The following CSTPP1 variants were observed in gnomAD, a reference collection of about 807,000 sequenced individuals.
CSTPP1 encodes centriolar satellite-associated tubulin polyglutamylase complex regulator 1, also known as UPF0705 protein C11orf49.
chr11:46,938,456 C>A, the CSTPP1 span, among the ~76,000 whole-genome samples: 2 of 150,874 alleles, frequency 1.3e-5, no homozygotes, highest in African/African-American at 4.9e-5. Context: ...AAATGCATGT[C>A]ATGTATTCAC....
chr11:46,998,440 G>T, the CSTPP1 span, among the ~76,000 whole-genome samples: 1 of 152,312 alleles, frequency 6.6e-6, no homozygotes, highest in South Asian at 2.1e-4. Context: ...TCCCCAGAAA[G>T]CTGAAATTTA....
At chr11:46,988,681 A>G in the CSTPP1 span, among the ~76,000 whole-genome samples, 1 of 152,198 alleles carries the variant, frequency 6.6e-6, no homozygotes, top group Non-Finnish European at 1.5e-5. Context: ...CTAGTCAATG[A>G]TAACTTAATT....
At chr11:47,010,321 CAA>C in the CSTPP1 span, among the ~76,000 whole-genome samples, 316 of 152,242 alleles carry the variant, frequency 2.1e-3, 1 homozygote, top group African/African-American at 7.3e-3. Flanking sequence ...AGCTTTTCTT[CAA>C]AGAGTCTCAC....
the CSTPP1 span, among the ~76,000 whole-genome samples, chr11:47,108,798 T>C: frequency 6.7e-6 from 1 of 149,696 alleles, no homozygotes; most frequent in Non-Finnish European, 1.5e-5. Context: ...CCTCGGCCTC[T>C]TGGGTTCAAG....
the CSTPP1 span, among the ~76,000 whole-genome samples, chr11:47,148,483 C>T: frequency 6.6e-6 from 1 of 152,292 alleles, no homozygotes; most frequent in South Asian, 2.1e-4. Context: ...GTGACCTCCT[C>T]AAAGAAGTCC....
At chr11:46,992,037 C>T in the CSTPP1 span, among the ~76,000 whole-genome samples, 11 of 152,052 alleles carry the variant, frequency 7.2e-5, no homozygotes, top group Admixed American at 3.3e-4. Flanking sequence ...CATTTGTGCC[C>T]GGCCTCATTT....
At chr11:47,025,044 T>A in the CSTPP1 span, among the ~76,000 whole-genome samples, 1 of 152,292 alleles carries the variant, frequency 6.6e-6, no homozygotes, top group South Asian at 2.1e-4. Flanking sequence ...CTTTAATCAT[T>A]TGTGCCTATA....
chr11:47,052,566 T>TCTTCCTTC, the CSTPP1 span: 88 of 1,562,736 alleles, frequency 5.6e-5, 1 homozygote, highest in South Asian at 8.0e-4. Flanking sequence ...TTCCTTCCTT[T>TCTTCCTTC]CTTCCTTCCT....
chr11:47,090,031 G>T, the CSTPP1 span, among the ~76,000 whole-genome samples: 2 of 152,084 alleles, frequency 1.3e-5, no homozygotes, highest in Non-Finnish European at 2.9e-5. Flanking sequence ...GCCTAAGCTG[G>T]AGTGCAATGG....
the CSTPP1 span, among the ~76,000 whole-genome samples, chr11:46,976,393 T>TCACA: frequency 0.018 from 2,681 of 148,770 alleles, 44 homozygotes; most frequent in East Asian, 0.045. Flanking sequence ...TAGGTTTCAG[T>TCACA]CACACACACA....
At chr11:47,050,364 CAA>C in the CSTPP1 span, among the ~76,000 whole-genome samples, 1 of 152,056 alleles carries the variant, frequency 6.6e-6, no homozygotes, top group Admixed American at 6.6e-5. Context: ...ATAGTAGAGG[CAA>C]AGATGAGTAC....
chr11:47,039,183 G>A, the CSTPP1 span, among the ~76,000 whole-genome samples: 1 of 126,388 alleles, frequency 7.9e-6, no homozygotes, highest in Admixed American at 8.4e-5. Context: ...GCGAGCCGAG[G>A]TCACGCCACT....
chr11:46,987,166 CTTTCTCTCAT>C, the CSTPP1 span: 1 of 1,585,668 alleles, frequency 6.3e-7, no homozygotes, highest in African/African-American at 1.3e-5. Context: ...TTTTTAAAAT[CTTTCTCTCAT>C]TTTCTCTTTC....
chr11:46,940,153 G>A, the CSTPP1 span, among the ~76,000 whole-genome samples: 2 of 152,204 alleles, frequency 1.3e-5, no homozygotes, highest in Admixed American at 1.3e-4. Context: ...GATTATAGGC[G>A]TGAGCCACTG....
the CSTPP1 span, among the ~76,000 whole-genome samples, chr11:47,058,669 A>T: frequency 6.6e-6 from 1 of 152,114 alleles, no homozygotes; most frequent in East Asian, 1.9e-4. Context: ...CTTCACAACA[A>T]CCCTATGTGT....
At chr11:47,115,514 T>C in the CSTPP1 span, among the ~76,000 whole-genome samples, 2 of 152,232 alleles carry the variant, frequency 1.3e-5, no homozygotes, top group African/African-American at 4.8e-5. Context: ...ATTCAGACAT[T>C]CAACTTCTTC....
At chr11:47,068,622 T>C in the CSTPP1 span, among the ~76,000 whole-genome samples, 3 of 152,196 alleles carry the variant, frequency 2.0e-5, no homozygotes, top group Non-Finnish European at 4.4e-5. Context: ...TATGTGATCC[T>C]CTACTCCTTG....
the CSTPP1 span, among the ~76,000 whole-genome samples, chr11:47,036,255 ATTATATAAT>A: frequency 4.5e-4 from 22 of 48,542 alleles, 1 homozygote; most frequent in African/African-American, 1.3e-3. Flanking sequence ...TATATTATAT[ATTATATAAT>A]ATATATATTA....
the CSTPP1 span, among the ~76,000 whole-genome samples, chr11:47,024,376 C>CT: frequency 5.3e-4 from 76 of 144,668 alleles, no homozygotes; most frequent in East Asian, 1.8e-3. Context: ...TTCTCTCTCT[C>CT]TTTTTTTTTT....
Sources: gnomAD v4.1 joint callset for allele counts (sites outside exome capture counted in the v4.1 genomes callset) on GRCh38, gnomAD v4.1.1 for gene constraint, MANE v1.5 for transcripts, NCBI Gene and HGNC (gene_info 2026-07-23, HGNC 2026-07-21) for gene names.